NCBP2L: variants seen among roughly 807,000 people sequenced by gnomAD.
NCBP2L encodes the protein nuclear cap-binding protein subunit 2-like.
For synonymous variants in NCBP2L, 39 were observed against 19.2 expected (o/e 2.04, Z -2.70); for missense variants, 95 against 53.1 (o/e 1.79, Z -2.45).
At chrX:107,778,947 G>T (rs1930229404) in intron 1 of NCBP2L, among the ~76,000 whole-genome samples, 1 of 111,328 alleles carries the variant, frequency 9.0e-6, no homozygotes, top group South Asian at 3.8e-4. Flanking sequence ...GGGGAATAGG[G>T]GGTGGCATGT....
At chrX:107,779,696 G>A (rs1278178790) in intron 1 of NCBP2L, among the ~76,000 whole-genome samples, 1 of 108,436 alleles carries the variant, frequency 9.2e-6, no homozygotes, top group African/African-American at 3.4e-5. Flanking sequence ...CTAAAGTGCT[G>A]GGATTACAGG....
intron 1 of NCBP2L, among the ~76,000 whole-genome samples, chrX:107,787,762 T>C (rs1236791306): frequency 8.9e-6 from 1 of 111,851 alleles, no homozygotes; most frequent in Admixed American, 9.5e-5. Flanking sequence ...AACACTACTG[T>C]CCCAGCGCTT....
At chrX:107,783,215 G>A (rs1300406797) in intron 1 of NCBP2L, among the ~76,000 whole-genome samples, 1 of 108,655 alleles carries the variant, frequency 9.2e-6, no homozygotes, top group Non-Finnish European at 1.9e-5. Context: ...AGGCACAGTG[G>A]CTCACGCCTG....
intron 1 of NCBP2L, among the ~76,000 whole-genome samples, chrX:107,785,345 C>T (rs1250233365): frequency 9.0e-6 from 1 of 111,601 alleles, no homozygotes; most frequent in Non-Finnish European, 1.9e-5. Flanking sequence ...CCCCATCTCC[C>T]TACAACAGCT....
At chrX:107,785,063 A>C (rs183438011) in intron 1 of NCBP2L, among the ~76,000 whole-genome samples, 1 of 108,989 alleles carries the variant, frequency 9.2e-6, no homozygotes, top group Non-Finnish European at 1.9e-5. Context: ...GAAAGAAAGA[A>C]AGGAAGGAAG....
At chrX:107,782,000 C>T (rs1602435201) in intron 1 of NCBP2L, among the ~76,000 whole-genome samples, 1 of 94,431 alleles carries the variant, frequency 1.1e-5, no homozygotes, top group Non-Finnish European at 2.1e-5. Flanking sequence ...GCTGGGATTA[C>T]AGGTGTGAGC....
chrX:107,793,448 C>T (rs1569458054), intron 1 of NCBP2L, among the ~76,000 whole-genome samples: 1 of 111,565 alleles, frequency 9.0e-6, no homozygotes, highest in South Asian at 3.7e-4. Flanking sequence ...CCGACTAAAT[C>T]GTGTTTAATG....
intron 1 of NCBP2L, among the ~76,000 whole-genome samples, chrX:107,780,743 C>T (rs1022489627): frequency 4.7e-5 from 5 of 105,901 alleles, no homozygotes; most frequent in Non-Finnish European, 9.7e-5. Context: ...GATTCTTGTG[C>T]TTCAGCCTCC....
intron 1 of NCBP2L, among the ~76,000 whole-genome samples, chrX:107,788,272 G>A (rs991896105): frequency 8.9e-6 from 1 of 111,926 alleles, no homozygotes; most frequent in African/African-American, 3.2e-5. Context: ...TTAGCAGGTA[G>A]GTGTTCATTG....
At chrX:107,781,662 CTA>C (rs1474132638) in intron 1 of NCBP2L, among the ~76,000 whole-genome samples, 20 of 69,843 alleles carry the variant, frequency 2.9e-4, no homozygotes, top group Admixed American at 8.9e-4. Flanking sequence ...ATCTATCTAT[CTA>C]TCTATCTATC....
chrX:107,782,336 T>A (rs1256371492), intron 1 of NCBP2L, among the ~76,000 whole-genome samples: 4 of 37,297 alleles, frequency 1.1e-4, no homozygotes, highest in Non-Finnish European at 1.5e-4. Flanking sequence ...AATATATATA[T>A]AAATATATAT....
intron 1 of NCBP2L, among the ~76,000 whole-genome samples, chrX:107,785,874 C>G (rs193158392): frequency 1.8e-5 from 2 of 110,667 alleles, no homozygotes; most frequent in East Asian, 5.7e-4. Flanking sequence ...CTGCAGAGAG[C>G]AGGGCAGGAG....
chrX:107,792,192 A>G (rs1300350187), intron 1 of NCBP2L, among the ~76,000 whole-genome samples: 2 of 112,054 alleles, frequency 1.8e-5, no homozygotes, highest in South Asian at 3.7e-4. Flanking sequence ...AACTAGTTAT[A>G]GGCTCATCTC....
intron 1 of NCBP2L, among the ~76,000 whole-genome samples, chrX:107,782,712 T>G (rs1434336477): frequency 9.4e-6 from 1 of 105,879 alleles, no homozygotes; most frequent in African/African-American, 3.4e-5. Flanking sequence ...TCATGTAGTG[T>G]TTTTTTTTCT....
intron 1 of NCBP2L, among the ~76,000 whole-genome samples, chrX:107,781,750 A>ATT (rs1336728105): frequency 2.1e-5 from 2 of 96,033 alleles, no homozygotes; most frequent in African/African-American, 7.6e-5. Context: ...AGATATCTAT[A>ATT]TATAGATCTA....
intron 1 of NCBP2L, among the ~76,000 whole-genome samples, chrX:107,778,926 G>T (rs1369667373): frequency 2.7e-5 from 3 of 111,482 alleles, no homozygotes; most frequent in Non-Finnish European, 5.7e-5. Context: ...ATGGAGGCCT[G>T]GTGTGTGTAG....
intron 1 of NCBP2L, among the ~76,000 whole-genome samples, chrX:107,782,312 AAT>A (rs1260428039): frequency 0.016 from 490 of 30,174 alleles, 25 homozygotes; most frequent in Middle Eastern, 0.043. Context: ...TATATATATA[AAT>A]ATATATATAT....
At chrX:107,793,101 G>T (rs1274033229) in intron 1 of NCBP2L, among the ~76,000 whole-genome samples, 1 of 111,876 alleles carries the variant, frequency 8.9e-6, no homozygotes, top group African/African-American at 3.3e-5. Context: ...TGTACTTATA[G>T]CACCTGTCAT....
At chrX:107,782,312 AATATATATATATAAATATATATATAAAT>A (rs1930326591) in intron 1 of NCBP2L, among the ~76,000 whole-genome samples, 1 of 30,180 alleles carries the variant, frequency 3.3e-5, no homozygotes, top group Non-Finnish European at 4.4e-5. Context: ...TATATATATA[AATATATATATATAAATATATATATAAAT>A]ATATATATAT....
Sources: gnomAD v4.1 joint callset for allele counts (sites outside exome capture counted in the v4.1 genomes callset) on GRCh38, gnomAD v4.1.1 for gene constraint, MANE v1.5 for transcripts, NCBI Gene and HGNC (gene_info 2026-07-23, HGNC 2026-07-21) for gene names.